Variants in IMMP2L observed in about 807,000 individuals in gnomAD.
IMMP2L encodes inner mitochondrial membrane peptidase subunit 2.
In IMMP2L, 18 loss-of-function variants were observed where a neutral mutation model predicts 19.3. The ratio of observed to expected loss-of-function variants is 0.93; its 90% CI spans 0.64 to 1.38. The LOEUF (loss-of-function observed/expected upper bound fraction) is 1.38. Ranked by LOEUF, IMMP2L falls within the 40% of genes most tolerant of loss-of-function variation. The pLI, the probability that IMMP2L is intolerant of heterozygous loss-of-function variation, is 0.00. For missense variants in IMMP2L, 233 were observed against 218.2 expected, an observed-to-expected ratio of 1.07 and a Z score of -0.43; for synonymous variants, 76 against 73.0, an observed-to-expected ratio of 1.04 and a Z score of -0.21.
At chr7:111,421,222 G>GTTTATA (rs1835489185) in intron 3 of IMMP2L, among the ~76,000 whole-genome samples, 1 of 144,402 alleles carries the variant, frequency 6.9e-6, no homozygotes, top group Non-Finnish European at 1.5e-5. Flanking sequence ...AGAAGTGTCT[G>GTTTATA]TTTATATCCT....
chr7:111,524,943 C>T (rs934606637), intron 1 of IMMP2L, among the ~76,000 whole-genome samples: 2 of 152,146 alleles, frequency 1.3e-5, no homozygotes, highest in African/African-American at 2.4e-5. Context: ...TTCATTCTTT[C>T]AACCAGTATT....
chr7:111,077,937 C>A (rs934638772), intron 3 of IMMP2L, among the ~76,000 whole-genome samples: 1 of 152,312 alleles, frequency 6.6e-6, no homozygotes, highest in African/African-American at 2.4e-5. Context: ...TGGCCTGACT[C>A]TTCTTTCAAC....
At chr7:110,711,814 C>T in intron 5 of IMMP2L, among the ~76,000 whole-genome samples, 1 of 8,476 alleles carries the variant, frequency 1.2e-4, no homozygotes, top group African/African-American at 3.2e-4. Context: ...GCTCCTGAGG[C>T]TTCTGCATTC....
chr7:110,702,336 TATATAC>T (rs1177148815), intron 5 of IMMP2L, among the ~76,000 whole-genome samples: 1 of 152,194 alleles, frequency 6.6e-6, no homozygotes, highest in Non-Finnish European at 1.5e-5. Context: ...GGCTTTAATG[TATATAC>T]ATATACATGT....
intron 3 of IMMP2L, among the ~76,000 whole-genome samples, chr7:111,014,181 T>C (rs1825259053): frequency 6.6e-6 from 1 of 151,928 alleles, no homozygotes; most frequent in African/African-American, 2.4e-5. Context: ...CTGGACAACA[T>C]GGCAAAACCC....
chr7:110,830,467 A>C (rs1387262268), intron 5 of IMMP2L, among the ~76,000 whole-genome samples: 2 of 145,390 alleles, frequency 1.4e-5, no homozygotes. Context: ...AGTTTCCTTA[A>C]AGTAAAGTGG....
In IMMP2L at chr7:111,381,285, G is replaced by C. The variant is rs146003685; in HGVS notation, c.239+105953C>G. On this transcript the variant is annotated intron_variant, in intron 3 of 5. Transcript: ENST00000405709. ...GAGTCACTGAAAAAGTGAAAACAGA[G>C]GAGCAATGTAAGCAGAGACTGGATG... 2.5e-3 allele frequency among the ~76,000 whole-genome samples: 386 copies of C among 151,962 alleles called. 3 individuals are homozygous for C. The highest frequency in any genetic ancestry group is 0.014 in the Middle Eastern group (4 of 294).
At position 111,206,603 on chromosome 7, in the gene IMMP2L, A is replaced by G. The variant is rs76329953; in HGVS notation, c.240-243038T>C. On this transcript the variant is annotated intron_variant, in intron 3 of 5. Coordinates refer to ENST00000405709, the MANE Select transcript of IMMP2L (RefSeq NM_032549.4). The stretch of plus-strand genomic sequence containing the variant: ...ATACAATGTATCAAAATAATAACAT[A>G]AGGATAAATGGAATTACCTCAAGCA... Among the ~76,000 whole-genome samples the G allele has an allele frequency of 8.4e-3, 1,286 of 152,308 alleles. 7 individuals carry two copies. Among genetic ancestry groups the G allele is most frequent in the Non-Finnish European group, 0.013 (916 of 68,020 alleles).
At chr7:110,981,523 C>A (rs1267852584) in intron 3 of IMMP2L, among the ~76,000 whole-genome samples, 1 of 148,302 alleles carries the variant, frequency 6.7e-6, no homozygotes, top group African/African-American at 2.5e-5. Flanking sequence ...GTGGTTAGCA[C>A]TAACTTTTCA....
intron 4 of IMMP2L, among the ~76,000 whole-genome samples, chr7:110,944,478 T>C (rs907622638): frequency 3.3e-5 from 5 of 151,766 alleles, no homozygotes; most frequent in Admixed American, 1.3e-4. Flanking sequence ...CGCACGTGTG[T>C]GTGTGCGCGT....
At chr7:111,538,231 T>C (rs1015409975) in intron 1 of IMMP2L, among the ~76,000 whole-genome samples, 1 of 152,082 alleles carries the variant, frequency 6.6e-6, no homozygotes, top group African/African-American at 2.4e-5. Flanking sequence ...TACAGTTTCA[T>C]TGAAGAAATT....
At chr7:111,538,195 T>C (rs1848069514) in intron 1 of IMMP2L, among the ~76,000 whole-genome samples, 1 of 152,164 alleles carries the variant, frequency 6.6e-6, no homozygotes, top group African/African-American at 2.4e-5. Flanking sequence ...ACTTAAGTGC[T>C]TTGCACTTAA....
At chr7:111,058,298 C>T (rs1793698144) in intron 3 of IMMP2L, among the ~76,000 whole-genome samples, 1 of 152,098 alleles carries the variant, frequency 6.6e-6, no homozygotes, top group Non-Finnish European at 1.5e-5. Flanking sequence ...AAAAAATGTA[C>T]ACCAAGACTG....
chr7:111,256,962 A>T (rs1816761757), intron 3 of IMMP2L, among the ~76,000 whole-genome samples: 1 of 152,114 alleles, frequency 6.6e-6, no homozygotes, highest in Non-Finnish European at 1.5e-5. Context: ...CATTTTTCTA[A>T]GTAAGCACCT....
intron 3 of IMMP2L, among the ~76,000 whole-genome samples, chr7:111,222,790 A>T (rs1812659777): frequency 6.6e-6 from 1 of 152,070 alleles, no homozygotes; most frequent in African/African-American, 2.4e-5. Context: ...AAATTAAAGA[A>T]ATGTATACCA....
chr7:110,801,856 T>C (rs1801268092), intron 5 of IMMP2L, among the ~76,000 whole-genome samples: 2 of 152,098 alleles, frequency 1.3e-5, no homozygotes, highest in African/African-American at 4.8e-5. Context: ...TGCTGAGTTG[T>C]AGGATTATTG....
chr7:110,795,308 C>A (rs1236263967), intron 5 of IMMP2L, among the ~76,000 whole-genome samples: 5 of 152,022 alleles, frequency 3.3e-5, no homozygotes, highest in Non-Finnish European at 1.5e-5. Flanking sequence ...CACATGATTA[C>A]AGATTCTCCT....
chr7:110,935,296 C>G (rs925393839), intron 4 of IMMP2L, among the ~76,000 whole-genome samples: 1 of 152,078 alleles, frequency 6.6e-6, no homozygotes, highest in Non-Finnish European at 1.5e-5. Context: ...GTTGAAAATT[C>G]TTTTCTTTAA....
At chr7:111,232,366 T>G (rs576146437) in intron 3 of IMMP2L, among the ~76,000 whole-genome samples, 263 of 151,378 alleles carry the variant, frequency 1.7e-3, no homozygotes, top group African/African-American at 5.3e-3. Context: ...TTGATTCATT[T>G]TGGAGGGTTT....
Sources: gnomAD v4.1 joint callset for allele counts (sites outside exome capture counted in the v4.1 genomes callset) on GRCh38, gnomAD v4.1.1 for gene constraint, MANE v1.5 for transcripts, NCBI Gene and HGNC (gene_info 2026-07-23, HGNC 2026-07-21) for gene names.